PEAK1: variants seen among roughly 807,000 people sequenced by gnomAD.
PEAK1 encodes the protein pseudopodium enriched atypical kinase 1.
A neutral mutation model predicts 124.7 loss-of-function variants in PEAK1; 54 were observed. The ratio of observed to expected loss-of-function variants is 0.43; its 90% confidence interval spans 0.35 to 0.54. The LOEUF (loss-of-function observed/expected upper bound fraction) is 0.54. PEAK1 is among the 20% of genes least tolerant of loss of function. The pLI is 0.01. For missense variants in PEAK1, 2,046 were observed against 2,134.5 expected (o/e 0.96, Z 0.82); for synonymous variants, 719 against 760.0 (o/e 0.95, Z 0.89).
At chr15:77,196,606 G>C (rs759305336) in intron 6 of PEAK1, among the ~76,000 whole-genome samples, 3 of 152,040 alleles carry the variant, frequency 2.0e-5, no homozygotes, top group Non-Finnish European at 2.9e-5. Flanking sequence ...GGAGAAAAAA[G>C]GGTGTTGTGA....
intron 1 of PEAK1, chr15:77,419,528 G>A (rs1293783388): frequency 2.0e-6 from 2 of 985,176 alleles, no homozygotes; most frequent in Non-Finnish European, 2.4e-6. Flanking sequence ...CTGCCGGCGA[G>A]GCTGCGCCGA....
At chr15:77,371,486 CT>C (rs1032023447) in intron 1 of PEAK1, 1 of 979,122 alleles carries the variant, frequency 1.0e-6, no homozygotes, top group African/African-American at 1.8e-5. Flanking sequence ...TTATTGTAGC[CT>C]TTGTTGTAAC....
intron 2 of PEAK1, among the ~76,000 whole-genome samples, chr15:77,301,056 T>C (rs2063759423): frequency 2.0e-5 from 3 of 152,156 alleles, no homozygotes; most frequent in Non-Finnish European, 4.4e-5. Context: ...TTTTGCCATG[T>C]TGTCCAGGCT....
At chr15:77,255,834 T>C (rs1299367560) in intron 5 of PEAK1, among the ~76,000 whole-genome samples, 1 of 152,176 alleles carries the variant, frequency 6.6e-6, no homozygotes, top group Non-Finnish European at 1.5e-5. Context: ...GATAACAAAT[T>C]CTGAGCATTC....
At chr15:77,130,242 T>G (rs1399858231) in intron 9 of PEAK1, among the ~76,000 whole-genome samples, 2 of 152,196 alleles carry the variant, frequency 1.3e-5, no homozygotes, top group Non-Finnish European at 2.9e-5. Flanking sequence ...AAACAGGTAC[T>G]CATCCTGCAT....
intron 6 of PEAK1, among the ~76,000 whole-genome samples, chr15:77,187,812 G>C (rs1034225511): frequency 2.6e-5 from 4 of 152,122 alleles, no homozygotes; most frequent in African/African-American, 9.7e-5. Context: ...CCACATATTA[G>C]TCCATCTCCA....
intron 1 of PEAK1, among the ~76,000 whole-genome samples, chr15:77,400,640 A>G (rs2071296616): frequency 6.6e-6 from 1 of 152,168 alleles, no homozygotes; most frequent in Admixed American, 6.5e-5. Context: ...TGAATTTATC[A>G]GGACATAATC....
intron 5 of PEAK1, among the ~76,000 whole-genome samples, chr15:77,262,385 C>A (rs943457598): frequency 2.0e-5 from 3 of 152,000 alleles, no homozygotes; most frequent in East Asian, 1.9e-4. Context: ...CAGAGACACA[C>A]GTAGGCTCAA....
chr15:77,327,311 A>C (rs1316859427), intron 2 of PEAK1, among the ~76,000 whole-genome samples: 1 of 152,102 alleles, frequency 6.6e-6, no homozygotes, highest in African/African-American at 2.4e-5. Flanking sequence ...GGTTCTAAAT[A>C]AAGTAAATCA....
chr15:77,166,864 G>A (rs747477255), intron 7 of PEAK1, among the ~76,000 whole-genome samples: 2 of 152,158 alleles, frequency 1.3e-5, no homozygotes, highest in African/African-American at 2.4e-5. Flanking sequence ...CCCAGGTCTC[G>A]GTGACTTCAA....
Position 77,180,326 on chromosome 15 carries a change from A to G in PEAK1, c.1601T>C (p.Val534Ala). ...QKSSAIRYQE[V>A]WTSSTSPRQK... ...TCGTGGACTGGTGCTAGAAGTCCAT[A>G]CTTCTTGGTATCGAATTGCACTGGA... is the stretch of plus-strand genomic sequence containing the variant. The change falls in exon 7 of 10, where the codon GTA becomes GCA. Residue 534 changes from valine (V) to alanine (A), a missense_variant. Val to Ala is a moderately conservative substitution (Grantham distance 64). Transcript: ENST00000682557. 6.2e-7 allele frequency: 1 copy of G among 1,614,052 alleles called. No homozygotes were observed. Among genetic ancestry groups the G allele is most frequent in the East Asian group, 2.2e-5 (1 of 44,882 alleles).
At chr15:77,194,312 A>G (rs926613353) in intron 6 of PEAK1, among the ~76,000 whole-genome samples, 8 of 152,172 alleles carry the variant, frequency 5.3e-5, no homozygotes, top group Non-Finnish European at 1.0e-4. Context: ...CAGTTCCTCT[A>G]AAATACAGCT....
intron 5 of PEAK1, among the ~76,000 whole-genome samples, chr15:77,268,460 C>T (rs868332917): frequency 1.4e-5 from 2 of 147,688 alleles, no homozygotes; most frequent in African/African-American, 2.5e-5. Context: ...GATGACAGAG[C>T]GAGATTCCAT....
chr15:77,322,169 G>A (rs1044257329), intron 2 of PEAK1, among the ~76,000 whole-genome samples: 1 of 152,140 alleles, frequency 6.6e-6, no homozygotes, highest in Non-Finnish European at 1.5e-5. Flanking sequence ...GCCCACAAGA[G>A]AAAGCAGGAA....
At chr15:77,210,967 T>C in intron 6 of PEAK1, among the ~76,000 whole-genome samples, 1 of 152,232 alleles carries the variant, frequency 6.6e-6, no homozygotes, top group East Asian at 1.9e-4. Flanking sequence ...ATGTCAGGAA[T>C]GATTATCTCC....
In PEAK1 at chr15:77,264,381, A is replaced by T. The variant is rs971682694; in HGVS notation, c.-274-11855T>A. Among the ~76,000 whole-genome samples, 525 of 152,258 alleles carry T rather than the reference A, an allele frequency of 3.4e-3. 1 individual carries two copies. The highest frequency in any genetic ancestry group is 7.5e-3 in the South Asian group (36 of 4,816). On this transcript the variant is annotated intron_variant, in intron 5 of 9. Transcript: ENST00000682557. The stretch of plus-strand genomic sequence containing the variant: ...CCATTGTCTCAGCCCAAAATCTCCT[A>T]AAGCTGATAAGCAACTTCAGCAAAG...
At chr15:77,219,597 A>AAC (rs1166405823) in intron 6 of PEAK1, among the ~76,000 whole-genome samples, 1 of 152,112 alleles carries the variant, frequency 6.6e-6, no homozygotes, top group African/African-American at 2.4e-5. Flanking sequence ...AGTAGAGTGT[A>AAC]ACGCTGCCAT....
At chr15:77,390,829 T>C (rs2070389321) in intron 1 of PEAK1, among the ~76,000 whole-genome samples, 9 of 152,208 alleles carry the variant, frequency 5.9e-5, no homozygotes, top group Admixed American at 5.9e-4. Flanking sequence ...GGTGGTCTGG[T>C]TGCAGATCCC....
chr15:77,407,196 A>G (rs2071899642), intron 1 of PEAK1, among the ~76,000 whole-genome samples: 1 of 152,202 alleles, frequency 6.6e-6, no homozygotes, highest in Non-Finnish European at 1.5e-5. Context: ...AAACCCTTCT[A>G]GATATTGGCT....
Sources: gnomAD v4.1 joint callset for allele counts (sites outside exome capture counted in the v4.1 genomes callset) on GRCh38, gnomAD v4.1.1 for gene constraint, MANE v1.5 for transcripts, NCBI Gene and HGNC (gene_info 2026-07-23, HGNC 2026-07-21) for gene names.